Variants in DNAH8 observed in about 807,000 individuals in gnomAD.
DNAH8 encodes the protein dynein axonemal heavy chain 8, also known as axonemal beta dynein heavy chain 8.
A neutral mutation model predicts 562.1 loss-of-function variants in DNAH8; 382 were observed. The observed-to-expected ratio is 0.68, with a 90% CI of 0.63 to 0.74. The LOEUF is 0.74. Among genes scored for constraint, DNAH8 ranks in the 30% least tolerant of loss-of-function variants. The probability of loss-of-function intolerance (pLI) is 0.00; values close to 1 mark genes in which losing one functional copy is unlikely to be tolerated. For synonymous variants in DNAH8, 1,881 were observed against 1,919.4 expected (o/e 0.98, Z 0.52); for missense variants, 5,203 against 5,620.4 (o/e 0.93, Z 2.37).
intron 26 of DNAH8, 106 bp downstream of exon 26, chr6:38,815,763 A>T: frequency 9.1e-7 from 1 of 1,099,636 alleles, no homozygotes; most frequent in Non-Finnish European, 1.3e-6. Flanking sequence ...CATTTAAAAA[A>T]TAGTATGTTT....
chr6:38,885,807 C>T (rs60114813), intron 56 of DNAH8, among the ~76,000 whole-genome samples: 4,388 of 152,276 alleles, frequency 0.029, 222 homozygotes, highest in African/African-American at 0.099. Context: ...CCTTGAGTCA[C>T]ACCCTTGAGC....
At chr6:38,780,186 C>A in intron 15 of DNAH8, 121 bp downstream of exon 15, 1 of 920,014 alleles carries the variant, frequency 1.1e-6, no homozygotes, top group Non-Finnish European at 1.6e-6. Flanking sequence ...TGCTAAGGAG[C>A]ATTGACGCTC....
chr6:39,025,672 A>G (rs780976773), intron 91 of DNAH8, among the ~76,000 whole-genome samples: 14 of 152,220 alleles, frequency 9.2e-5, no homozygotes, highest in Non-Finnish European at 1.8e-4. Context: ...TTTTGTGCAT[A>G]CATTGGTATG....
At chr6:38,886,092 A>G (rs1778899320) in intron 56 of DNAH8, among the ~76,000 whole-genome samples, 2 of 152,190 alleles carry the variant, frequency 1.3e-5, no homozygotes, top group Non-Finnish European at 2.9e-5. Context: ...ATTTGAAGCT[A>G]GAGTTATAGA....
chr6:38,977,240 A>G (rs1005226331), intron 85 of DNAH8, among the ~76,000 whole-genome samples: 1 of 152,162 alleles, frequency 6.6e-6, no homozygotes, highest in Non-Finnish European at 1.5e-5. Context: ...GGGTGCTGCC[A>G]TGGGAACATG....
intron 82 of DNAH8, among the ~76,000 whole-genome samples, chr6:38,957,569 A>G (rs1028908132): frequency 3.3e-5 from 5 of 150,962 alleles, no homozygotes; most frequent in African/African-American, 1.2e-4. Context: ...AGGATAGATC[A>G]TATATGAAGC....
intron 22 of DNAH8, among the ~76,000 whole-genome samples, chr6:38,804,758 GAA>G (rs1491385874): frequency 7.5e-6 from 1 of 132,678 alleles, no homozygotes; most frequent in Non-Finnish European, 1.5e-5. Flanking sequence ...GACATAGCAA[GAA>G]GAGAGAGAGA....
rs1397855965 is a variant in DNAH8 at position 38,807,613 on chromosome 6, T to G, written c.3154T>G (p.Cys1052Gly). ...HDKEDEFKKE[C>G]KEVFAFFSHQ... ...TTAATCTGATTTCTTATTACAGGAG[T>G]GTAAAGAGGTCTTTGCTTTTTTCTC... Residue 1052 changes from cysteine (C) to glycine (G), a missense_variant, in exon 24 of 93, where the codon TGT (cysteine) becomes GGT (glycine). Physicochemically the swap from Cys to Gly is radical, Grantham distance 159 (BLOSUM62 -3). Coordinates refer to ENST00000327475, the MANE Select transcript of DNAH8 (RefSeq NM_001206927.2). The G allele has an allele frequency of 2.0e-6, 3 of 1,508,834 alleles. No individual in the cohort carries two copies. Among genetic ancestry groups the G allele is most frequent in the Non-Finnish European group, 2.7e-6 (3 of 1,126,968 alleles). The allele number at this position is 1,508,834 out of a possible 1,614,324, so 93.5% of individuals were successfully genotyped here. A position where few individuals can be genotyped will look rare whatever the true frequency, so the allele number is the denominator to read the frequency against.
At chr6:38,940,169 T>C (rs1783319416) in intron 79 of DNAH8, among the ~76,000 whole-genome samples, 1 of 152,134 alleles carries the variant, frequency 6.6e-6, no homozygotes, top group Non-Finnish European at 1.5e-5. Flanking sequence ...GAAAAGAGGT[T>C]CAAGGGAGTC....
chr6:38,883,696 A>G (rs1325775658), intron 55 of DNAH8, among the ~76,000 whole-genome samples, 180 bp from the exon 56 acceptor site: 2 of 152,200 alleles, frequency 1.3e-5, no homozygotes, highest in African/African-American at 4.8e-5. Flanking sequence ...TGTAATGTAA[A>G]TGAAGGATAA....
Position 38,973,815 on chromosome 6 carries a change from T to C in DNAH8, c.12678+2T>C. The C allele has an allele frequency of 6.3e-7, 1 of 1,592,700 alleles. No individual in the cohort carries two copies. Among genetic ancestry groups the C allele is most frequent in the Non-Finnish European group, 8.5e-7 (1 of 1,173,238 alleles). On this transcript the variant is annotated splice_donor_variant, in intron 84 of 92. Coordinates refer to ENST00000327475, the MANE Select transcript of DNAH8 (RefSeq NM_001206927.2). LOFTEE classifies it high-confidence loss of function. ...CGATTTCCAATTACATTGCTTCAGG[T>C]TTGTTACTAAACGTCTTTTCATCGA...
chr6:38,760,806 T>C (rs1766418200), intron 10 of DNAH8, among the ~76,000 whole-genome samples: 1 of 152,164 alleles, frequency 6.6e-6, no homozygotes, highest in African/African-American at 2.4e-5. Flanking sequence ...CTTTGCTTTC[T>C]ACCATGATTG....
At chr6:38,730,917 G>A (rs778130945) in intron 4 of DNAH8, among the ~76,000 whole-genome samples, 2 of 151,898 alleles carry the variant, frequency 1.3e-5, no homozygotes, top group African/African-American at 2.4e-5. Context: ...TCCCCTACCC[G>A]GCTCCTTCAG....
Position 39,030,370 on chromosome 6 carries a change from C to T in DNAH8, c.14102C>T (p.Ala4701Val). Residue 4701 changes from alanine to valine, a missense_variant, in exon 93 of 93, where the codon GCC (alanine) becomes GTC (valine). By Grantham distance (64) the Ala-to-Val change is moderately conservative (BLOSUM62 0). Transcript: ENST00000327475. Reference sequence around the variant, plus strand: ...GATCACTGGATCCTGAGAGGAGTGGCCCTTTTGTGTGACATCAAGTAAGTT... The same window carrying T: ...GATCACTGGATCCTGAGAGGAGTGGTCCTTTTGTGTGACATCAAGTAAGTT... Reference protein sequence around the residue: ...SPDHWILRGVALLCDIK With the variant: ...SPDHWILRGVVLLCDIK The T allele has an allele frequency of 6.2e-7, 1 of 1,614,028 alleles. No individual in the cohort carries two copies.
intron 38 of DNAH8, 118 bp downstream of exon 38, chr6:38,850,532 C>T: frequency 2.3e-6 from 2 of 878,374 alleles, no homozygotes; most frequent in Admixed American, 2.9e-5. Context: ...GGGCTAGGAA[C>T]TTAAAATTTC....
Position 38,853,377 on chromosome 6 carries a change from G to A in DNAH8, c.5733+30G>A, listed in dbSNP as rs558376073. On this transcript the variant is annotated intron_variant, in intron 41 of 92. Coordinates refer to ENST00000327475, the MANE Select transcript of DNAH8 (RefSeq NM_001206927.2). ...GAATACACAATGCTTAAGTAATGGT[G>A]AAAAGAAATGGAAATAAAGGGGAAG... The A allele has an allele frequency of 4.4e-6, 7 of 1,599,154 alleles. No individual in the cohort carries two copies. In the Admixed American group the frequency reaches 5.3e-5, roughly 12 times the overall value.
At chr6:38,763,001 C>T in intron 11 of DNAH8, 1 of 396,030 alleles carries the variant, frequency 2.5e-6, no homozygotes, top group Non-Finnish European at 5.0e-6. Context: ...TGGACTTAGC[C>T]ATGTAAGATA....
intron 29 of DNAH8, 33 bp downstream of exon 29, chr6:38,826,424 T>A: frequency 7.0e-7 from 1 of 1,426,150 alleles, no homozygotes; most frequent in Non-Finnish European, 9.7e-7. Flanking sequence ...TTTCTTGGAA[T>A]GCTTTTTTGT....
At position 39,016,229 on chromosome 6, in the gene DNAH8, A is replaced by G. The variant is rs117807638; in HGVS notation, c.13714+3592A>G. 0.011 allele frequency among the ~76,000 whole-genome samples: 1,683 copies of G among 151,838 alleles called. 107 individuals carry two copies. The East Asian group carries it at 0.16, about 14-fold the overall frequency. On this transcript the variant is annotated intron_variant, in intron 91 of 92. Coordinates refer to ENST00000327475, the MANE Select transcript of DNAH8 (RefSeq NM_001206927.2). ...TGAAGTAATTTCTTTCTTTGGTTCAAAACATTTAAGTAAATGGCTTTAAAT... is the reference window on the plus strand; with the variant it reads ...TGAAGTAATTTCTTTCTTTGGTTCAGAACATTTAAGTAAATGGCTTTAAAT...
Sources: allele counts gnomAD v4.1 joint callset (sites outside exome capture counted in the v4.1 genomes callset), GRCh38; gene constraint gnomAD v4.1.1; transcripts MANE v1.5; gene names NCBI Gene and HGNC (gene_info 2026-07-23, HGNC 2026-07-21).